The following AKAP3 variants were observed in gnomAD, a reference collection of about 807,000 sequenced individuals.
AKAP3 encodes A-kinase anchoring protein 3.
AKAP3 carries 27 observed loss-of-function variants against 57.2 expected under a neutral mutation model. The ratio of observed to expected loss-of-function variants is 0.47; its 90% CI spans 0.35 to 0.65. The LOEUF is 0.65. Among genes scored for constraint, AKAP3 ranks in the 30% least tolerant of loss-of-function variants. The pLI is 0.01. For missense variants in AKAP3, 959 were observed against 1,040.0 expected, an observed-to-expected ratio of 0.92 and a Z score of 1.07; for synonymous variants, 334 against 392.3, an observed-to-expected ratio of 0.85 and a Z score of 1.76.
chr12:4,647,527 G>T (rs538056707), intron 1 of AKAP3, among the ~76,000 whole-genome samples: 2 of 151,994 alleles, frequency 1.3e-5, no homozygotes, highest in Non-Finnish European at 2.9e-5. Context: ...AAAAGTCAGT[G>T]TTCTTTTAAT....
chr12:4,631,336 C>T (rs1425468702), intron 4 of AKAP3: 12 of 701,666 alleles, frequency 1.7e-5, no homozygotes, highest in Non-Finnish European at 3.1e-5. Flanking sequence ...CCAACTAAGA[C>T]GTTTGTGCTC....
At chr12:4,638,027 G>C (rs1362397328) in intron 4 of AKAP3, 74 bp downstream of exon 4, 3 of 1,240,642 alleles carry the variant, frequency 2.4e-6, no homozygotes, top group Non-Finnish European at 3.6e-6. Context: ...GTGGTATGGT[G>C]GAGAGAATAA....
chr12:4,619,284 C>G (rs892444605), intron 5 of AKAP3, among the ~76,000 whole-genome samples: 8 of 152,150 alleles, frequency 5.3e-5, no homozygotes, highest in African/African-American at 1.9e-4. Context: ...ACCGGTCAGG[C>G]ATGGTGGCTC....
chr12:4,630,404 C>G (rs1464136565), intron 4 of AKAP3, among the ~76,000 whole-genome samples: 7 of 152,156 alleles, frequency 4.6e-5, no homozygotes, highest in Admixed American at 4.6e-4. Context: ...AGATGCAATT[C>G]TGATTCTAAA....
chr12:4,628,274 G>C lies in AKAP3; in HGVS notation c.628C>G (p.Pro210Ala). The change falls in exon 5 of 6, where the codon CCA (proline) becomes GCA (alanine). Residue 210 changes from proline (P) to alanine (A), a missense_variant. By Grantham distance (27) the Pro-to-Ala change is conservative. Coordinates refer to ENST00000228850, the MANE Select transcript of AKAP3 (RefSeq NM_001278309.2). ...AAAGTGGACTTGTATTTCAAATTTGGGGGACTTTGTGATGATCCCGAGACT... is the reference window on the plus strand; with the variant it reads ...AAAGTGGACTTGTATTTCAAATTTGCGGGACTTTGTGATGATCCCGAGACT... ...DRVSGSSQSP[P>A]NLKYKSTLKI... 4 of 1,613,978 alleles carry C rather than the reference G, an allele frequency of 2.5e-6. No individual in the cohort carries two copies. Among genetic ancestry groups the C allele is most frequent in the Non-Finnish European group, 3.4e-6 (4 of 1,179,948 alleles).
chr12:4,639,236 G>A (rs766143245), intron 3 of AKAP3, among the ~76,000 whole-genome samples: 1 of 152,080 alleles, frequency 6.6e-6, no homozygotes, highest in Non-Finnish European at 1.5e-5. Context: ...TCATCTAAAA[G>A]TATGAGAACC....
In AKAP3 at chr12:4,629,587, T is replaced by A. The variant is rs1163516508; in HGVS notation, c.97-782A>T. On this transcript the variant is annotated intron_variant, in intron 4 of 5. Coordinates refer to ENST00000228850, the MANE Select transcript of AKAP3 (RefSeq NM_001278309.2). ...GTACAACTACTCCCATGACACACGT[T>A]TACCTATGTAACAAACCTGCACATG... 2.0e-5 allele frequency among the ~76,000 whole-genome samples: 3 copies of A among 152,148 alleles called. No individual in the cohort carries two copies. The East Asian group carries it at 5.8e-4, about 29-fold the overall frequency.
chr12:4,643,103 AT>A (rs976019159), intron 2 of AKAP3, among the ~76,000 whole-genome samples: 5 of 152,148 alleles, frequency 3.3e-5, no homozygotes, highest in African/African-American at 1.2e-4. Flanking sequence ...GTGCTTTTGT[AT>A]TTTTTTCATG....
At chr12:4,634,645 T>C (rs1945541593) in intron 4 of AKAP3, among the ~76,000 whole-genome samples, 1 of 152,162 alleles carries the variant, frequency 6.6e-6, no homozygotes, top group South Asian at 2.1e-4. Context: ...ACTCACATGT[T>C]TGAAAGGAAC....
chr12:4,622,187 TA>T (rs1945355272), intron 5 of AKAP3, among the ~76,000 whole-genome samples: 1 of 152,152 alleles, frequency 6.6e-6, no homozygotes, highest in Non-Finnish European at 1.5e-5. Context: ...TCAATATTGT[TA>T]AAATGGTCAT....
intron 4 of AKAP3, among the ~76,000 whole-genome samples, chr12:4,634,608 C>A (rs1011208903): frequency 6.6e-6 from 1 of 152,082 alleles, no homozygotes; most frequent in Non-Finnish European, 1.5e-5. Context: ...ATCACAGACA[C>A]CTGGTTTATT....
intron 5 of AKAP3, 92 bp downstream of exon 5, chr12:4,626,404 G>A (rs977874267): frequency 6.7e-5 from 94 of 1,409,612 alleles, no homozygotes; most frequent in Non-Finnish European, 8.6e-5. Flanking sequence ...TACCTTCTCT[G>A]TGGCTATCTT....
chr12:4,646,944 G>A (rs1455550089), intron 1 of AKAP3, among the ~76,000 whole-genome samples: 3 of 151,914 alleles, frequency 2.0e-5, no homozygotes, highest in Admixed American at 6.6e-5. Flanking sequence ...CACCACACAC[G>A]GCTAATTTTT....
chr12:4,615,741 A>G lies in AKAP3; in HGVS notation c.2560T>C (p.Ter854GlnextTer?). The G allele has an allele frequency of 1.2e-6, 2 of 1,613,330 alleles. No individual in the cohort carries two copies. The highest frequency in any genetic ancestry group is 2.2e-5 in the South Asian group (2 of 91,034). ...QLLDWLMVNL[*>Q] ...GGGGAAAGCAGTGGGGTTGCCGATT[A>G]CAGGTTCACCATCAGCCAGTCCAGC... Residue 854 changes from the stop codon to glutamine, a stop_lost, in exon 6 of 6, where the codon TAA (stop) becomes CAA (glutamine). Transcript: ENST00000228850.
rs892014860 is a variant in AKAP3 at position 4,628,681 on chromosome 12, G to A, written c.221C>T (p.Ser74Leu). 6.2e-7 allele frequency: 1 copy of A among 1,614,012 alleles called. No individual in the cohort carries two copies. Among genetic ancestry groups the A allele is most frequent in the South Asian group, 1.1e-5 (1 of 91,072 alleles). ...GESFGGETSN[S>L]GDPHKGFSVD... is the part of the protein sequence containing the mutation. The stretch of plus-strand genomic sequence containing the variant: ...AGAGAAACCTTTGTGTGGGTCTCCT[G>A]AGTTGGACGTTTCCCCACCAAATGA... Residue 74 changes from serine to leucine, a missense_variant, in exon 5 of 6, where the codon TCA becomes TTA. Transcript: ENST00000228850.
intron 5 of AKAP3, among the ~76,000 whole-genome samples, chr12:4,622,224 A>G (rs11608880): frequency 0.25 from 38,519 of 151,992 alleles, 5,458 homozygotes; most frequent in East Asian, 0.39. Flanking sequence ...TTAAATGTTC[A>G]ATGCTATTCC....
chr12:4,630,184 A>G (rs1292306703), intron 4 of AKAP3, among the ~76,000 whole-genome samples: 1 of 152,206 alleles, frequency 6.6e-6, no homozygotes, highest in Non-Finnish European at 1.5e-5. Flanking sequence ...CAAGTGTCAT[A>G]TAGTTACTAG....
At chr12:4,640,799 T>G (rs1386481115) in intron 3 of AKAP3, among the ~76,000 whole-genome samples, 1 of 152,176 alleles carries the variant, frequency 6.6e-6, no homozygotes, top group East Asian at 1.9e-4. Flanking sequence ...GACATGAGCA[T>G]CACCAAGAGA....
chr12:4,631,595 A>T (rs961213124), intron 4 of AKAP3, among the ~76,000 whole-genome samples: 14 of 145,944 alleles, frequency 9.6e-5, no homozygotes, highest in Admixed American at 2.7e-4. Flanking sequence ...GTGCATGCTC[A>T]CACACACACA....
Sources: allele counts gnomAD v4.1 joint callset (sites outside exome capture counted in the v4.1 genomes callset), GRCh38; gene constraint gnomAD v4.1.1; transcripts MANE v1.5; gene names NCBI Gene and HGNC (gene_info 2026-07-23, HGNC 2026-07-21).